Variants in KMT2E observed in about 807,000 individuals in gnomAD.
KMT2E encodes the protein histone reader KMT2E.
KMT2E carries 30 observed loss-of-function variants against 184.6 expected under a neutral mutation model. The ratio of observed to expected loss-of-function variants is 0.16; its 90% CI spans 0.12 to 0.22. The LOEUF (loss-of-function observed/expected upper bound fraction) is 0.22. Among genes scored for constraint, KMT2E ranks in the 10% least tolerant of loss-of-function variants. KMT2E has a pLI of 1.00. For synonymous variants in KMT2E, 815 were observed against 776.5 expected (o/e 1.05, Z -0.82); for missense variants, 2,023 against 2,237.4 (o/e 0.90, Z 1.93).
chr7:105,071,030 A>G (rs1350971227), intron 6 of KMT2E, among the ~76,000 whole-genome samples: 1 of 152,180 alleles, frequency 6.6e-6, no homozygotes, highest in African/African-American at 2.4e-5. Context: ...CTGCTTGCTT[A>G]TTATATGTAG....
At chr7:105,071,946 G>C (rs1319210091) in intron 6 of KMT2E, among the ~76,000 whole-genome samples, 1 of 151,944 alleles carries the variant, frequency 6.6e-6, no homozygotes, top group African/African-American at 2.4e-5. Flanking sequence ...CCCTTTGATA[G>C]TAGTCTTTTG....
rs1798970090 is a variant in KMT2E at position 105,107,642 on chromosome 7, C to G, written c.3185C>G (p.Thr1062Arg). The G allele has an allele frequency of 6.2e-7, 1 of 1,614,060 alleles. No homozygotes were observed. The highest frequency in any genetic ancestry group is 8.5e-7 in the Non-Finnish European group (1 of 1,180,010). Residue 1062 changes from threonine to arginine, a missense_variant, in exon 22 of 27, where the codon ACA (threonine) becomes AGA (arginine). By Grantham distance (71) the Thr-to-Arg change is moderately conservative. This residue lies in a region of KMT2E where 1,108 missense variants were observed against 1,050.9 expected (regional missense o/e 1.05). Transcript: ENST00000311117. The stretch of plus-strand genomic sequence containing the variant: ...GACTCGACTCACTCTGGACGGGGCA[C>G]AATGTATTCTTCCTGGGTAAAGAGC... ...QLDSTHSGRGTMYSSWVKSPD... is the reference protein window; with the variant it reads ...QLDSTHSGRGRMYSSWVKSPD...
intron 3 of KMT2E, among the ~76,000 whole-genome samples, chr7:105,060,948 C>T (rs569278283): frequency 3.9e-5 from 6 of 152,266 alleles, no homozygotes; most frequent in African/African-American, 9.6e-5. Flanking sequence ...GTTCACACAA[C>T]GGTGAAATCA....
intron 6 of KMT2E, among the ~76,000 whole-genome samples, chr7:105,068,117 T>C (rs1797116090): frequency 6.6e-6 from 1 of 152,188 alleles, no homozygotes; most frequent in Non-Finnish European, 1.5e-5. Context: ...TGGTTACCAT[T>C]ACAGTGTGCA....
At chr7:105,104,936 A>G (rs1798827907) in intron 17 of KMT2E, 1 of 152,400 alleles carries the variant, frequency 6.6e-6, no homozygotes, top group African/African-American at 2.4e-5. Context: ...TGCAAGGCTG[A>G]GGCGGGAGGA....
At chr7:105,047,867 G>T (rs912674844) in intron 3 of KMT2E, among the ~76,000 whole-genome samples, 8 of 152,130 alleles carry the variant, frequency 5.3e-5, no homozygotes, top group African/African-American at 1.9e-4. Flanking sequence ...AAACAACTCT[G>T]GTTGAAATGG....
At chr7:105,082,118 C>G (rs1329837172) in intron 13 of KMT2E, among the ~76,000 whole-genome samples, 1 of 152,112 alleles carries the variant, frequency 6.6e-6, no homozygotes, top group African/African-American at 2.4e-5. Context: ...TTTAGTCATA[C>G]AGTTTATTTG....
rs35249094 is a variant in KMT2E at position 105,113,600 on chromosome 7, CT to C, written c.*281del. 58,774 of 203,048 alleles carry C rather than the reference CT, an allele frequency of 0.29. 6,864 individuals carry two copies. The highest frequency in any genetic ancestry group is 0.51 in the African/African-American group (20,965 of 40,736). 12.6% of individuals were successfully genotyped at this position (203,048 alleles called of 1,614,324 possible). A position where few individuals can be genotyped will look rare whatever the true frequency, so the allele number is the denominator to read the frequency against. On this transcript the variant is annotated 3_prime_UTR_variant, in exon 27 of 27. Transcript: ENST00000311117. ...TGATGCTGATTTGATGCTGTATGAT[CT>C]TTTTTTTTTTTTTAGTTAAATTCAT...
Position 105,112,649 on chromosome 7 carries a change from A to C in KMT2E, c.4893A>C (p.Pro1631=), listed in dbSNP as rs771928015. The C allele has an allele frequency of 6.2e-7, 1 of 1,612,784 alleles. No individual in the cohort carries two copies. The highest frequency in any genetic ancestry group is 1.1e-5 in the South Asian group (1 of 90,988). ...CTGCCGTAGTCCCCCCTCCTCCTCC[A>C]CCACCACCTGCTCCAGGACCGCACC... ...TAAAVVPPPP[P]PPPAPGPHLV... The change falls in exon 27 of 27, where the codon CCA becomes CCC. Residue 1631 remains proline (P), a synonymous_variant. Coordinates refer to ENST00000311117, the MANE Select transcript of KMT2E (RefSeq NM_182931.3).
chr7:105,061,823 G>C (rs75647219), intron 3 of KMT2E: 1 of 179,142 alleles, frequency 5.6e-6, no homozygotes, highest in Non-Finnish European at 1.2e-5. Context: ...TTTTAGTCTT[G>C]CTTAAATTAT....
intron 12 of KMT2E, 143 bp downstream of exon 12, chr7:105,079,106 G>T: frequency 4.6e-6 from 2 of 438,306 alleles, no homozygotes; most frequent in Non-Finnish European, 8.4e-6. Context: ...GTTTTTTTGT[G>T]AAAATTTATG....
At position 105,101,907 on chromosome 7, in the gene KMT2E, G is replaced by A; in HGVS notation, c.1909G>A (p.Ala637Thr). The A allele has an allele frequency of 1.9e-6, 3 of 1,609,360 alleles. No individual in the cohort carries two copies. Among genetic ancestry groups the A allele is most frequent in the Non-Finnish European group, 2.5e-6 (3 of 1,178,796 alleles). The stretch of plus-strand genomic sequence containing the variant: ...TTAGGAACAAGCAAAAGAAGAAAAT[G>A]CTAGCAAGCCAACCCCTGCCAAAGT... ...VIQEQAKEEN[A>T]SKPTPAKVNR... The change falls in exon 17 of 27, where the codon GCT becomes ACT. Residue 637 changes from alanine (A) to threonine (T), a missense_variant. Transcript: ENST00000311117.
intron 3 of KMT2E, among the ~76,000 whole-genome samples, chr7:105,050,803 C>T (rs1476776920): frequency 1.3e-5 from 2 of 151,904 alleles, no homozygotes; most frequent in African/African-American, 4.8e-5. Flanking sequence ...GATCTCAGCT[C>T]ACTGCAATCT....
At chr7:105,059,975 G>GTTGTTTTT (rs1796731476) in intron 3 of KMT2E, among the ~76,000 whole-genome samples, 1 of 45,616 alleles carries the variant, frequency 2.2e-5, no homozygotes, top group Non-Finnish European at 5.5e-5. Flanking sequence ...TTTTCTTGTT[G>GTTGTTTTT]TTGTTTTTTT....
At chr7:105,047,521 C>G (rs1796155824) in intron 3 of KMT2E, among the ~76,000 whole-genome samples, 1 of 152,156 alleles carries the variant, frequency 6.6e-6, no homozygotes, top group Non-Finnish European at 1.5e-5. Context: ...TATTGTTAAA[C>G]TTAATAGTAA....
chr7:105,059,898 A>G (rs564762525), intron 3 of KMT2E, among the ~76,000 whole-genome samples: 1 of 151,692 alleles, frequency 6.6e-6, no homozygotes, highest in Admixed American at 6.6e-5. Flanking sequence ...TTTGAAATTA[A>G]GAAACATTTC....
intron 11 of KMT2E, chr7:105,077,807 G>T: frequency 5.4e-6 from 1 of 186,212 alleles, no homozygotes; most frequent in Non-Finnish European, 1.1e-5. Context: ...TCCTCATAAC[G>T]TAATAGCCGG....
chr7:105,068,874 A>G (rs1797165650), intron 6 of KMT2E, among the ~76,000 whole-genome samples: 1 of 152,182 alleles, frequency 6.6e-6, no homozygotes, highest in South Asian at 2.1e-4. Context: ...ACTGGTTTTC[A>G]GAATAATGAA....
At chr7:105,075,969 G>A in intron 8 of KMT2E, 74 bp from the exon 9 acceptor site, 1 of 1,201,830 alleles carries the variant, frequency 8.3e-7, no homozygotes, top group Non-Finnish European at 1.2e-6. Context: ...AAGTTTCAAT[G>A]AACCAATTAA....
Sources: allele counts gnomAD v4.1 joint callset (sites outside exome capture counted in the v4.1 genomes callset), GRCh38; gene constraint gnomAD v4.1.1; regional missense constraint gnomAD v4.1.1; transcripts MANE v1.5; gene names NCBI Gene and HGNC (gene_info 2026-07-23, HGNC 2026-07-21).